Variants in MUC13 observed in about 807,000 individuals in gnomAD.
The protein encoded by MUC13 is mucin-13.
A neutral mutation model predicts 48.3 loss-of-function variants in MUC13; 32 were observed. The ratio of observed to expected loss-of-function variants is 0.66; its 90% CI spans 0.50 to 0.89. The LOEUF is 0.89. Ranked by LOEUF, MUC13 falls within the 40% of genes least tolerant of loss-of-function variation. The probability of loss-of-function intolerance (pLI) is 0.00; values close to 1 mark genes in which losing one functional copy is unlikely to be tolerated. For missense variants in MUC13, 571 were observed against 622.8 expected, an observed-to-expected ratio of 0.92 and a Z score of 0.88; for synonymous variants, 199 against 224.9, an observed-to-expected ratio of 0.88 and a Z score of 1.03.
intron 4 of MUC13, among the ~76,000 whole-genome samples, chr3:124,921,264 C>T (rs1453446622): frequency 6.6e-6 from 1 of 152,066 alleles, no homozygotes; most frequent in Admixed American, 6.6e-5. Context: ...ATTCTCCTGC[C>T]TCAGCCTCCT....
intron 4 of MUC13, among the ~76,000 whole-genome samples, 168 bp from the exon 5 acceptor site, chr3:124,920,457 C>T (rs1472923037): frequency 6.6e-6 from 1 of 152,134 alleles, no homozygotes; most frequent in Non-Finnish European, 1.5e-5. Context: ...TGGGACTGCC[C>T]CCACAAAGGC....
At chr3:124,924,425 T>C (rs957158698) in intron 2 of MUC13, among the ~76,000 whole-genome samples, 2 of 152,220 alleles carry the variant, frequency 1.3e-5, no homozygotes, top group Non-Finnish European at 2.9e-5. Flanking sequence ...TCTTCACTTC[T>C]GTCAAGTGGA....
At chr3:124,922,329 T>C in intron 3 of MUC13, 26 bp from the exon 4 acceptor site, 1 of 1,604,650 alleles carries the variant, frequency 6.2e-7, no homozygotes, top group Non-Finnish European at 8.5e-7. Context: ...AATCTTTCTG[T>C]ACTATTTGAT....
chr3:124,923,945 G>A (rs977171998), intron 2 of MUC13, among the ~76,000 whole-genome samples: 2 of 152,178 alleles, frequency 1.3e-5, no homozygotes, highest in Middle Eastern at 3.2e-3. Flanking sequence ...ACTCCAAGGA[G>A]TCAGGAATCT....
chr3:124,907,669 GA>G (rs1935340165), intron 11 of MUC13, among the ~76,000 whole-genome samples: 1 of 151,990 alleles, frequency 6.6e-6, no homozygotes, highest in Non-Finnish European at 1.5e-5. Flanking sequence ...GAGAGAGAGA[GA>G]GAGAGAGAGA....
Position 124,913,172 on chromosome 3 carries a change from C to T in MUC13, c.1153G>A (p.Gly385Arg), listed in dbSNP as rs1935453164. 6.2e-7 allele frequency: 1 copy of T among 1,614,004 alleles called. No homozygotes were observed. Among genetic ancestry groups the T allele is most frequent in the Non-Finnish European group, 8.5e-7 (1 of 1,180,030 alleles). The change falls in exon 8 of 12, where the codon GGG becomes AGG. Residue 385 changes from glycine (G) to arginine (R), a missense_variant. Transcript: ENST00000616727. ...HKQCLIKKSG[G>R]APECACVPGY... Reference sequence around the variant, plus strand: ...GGCACGCACGCACACTCAGGGGCCCCACCACTCTTCTTTATTAAGCATTGC... The same window carrying T: ...GGCACGCACGCACACTCAGGGGCCCTACCACTCTTCTTTATTAAGCATTGC...
At chr3:124,933,448 A>G (rs1269173020) in intron 1 of MUC13, among the ~76,000 whole-genome samples, 3 of 152,156 alleles carry the variant, frequency 2.0e-5, no homozygotes, top group East Asian at 1.9e-4. Context: ...GTCATTATCC[A>G]CTACAGGAAA....
rs370999361 is a variant in MUC13 at position 124,913,701 on chromosome 3, T to G, written c.965-20A>C. Reference sequence around the variant, plus strand: ...GGGTCACTGAGAAGCACAAATAGTTTAAAAATATATTCAGCATGACAATAT... The same window carrying G: ...GGGTCACTGAGAAGCACAAATAGTTGAAAAATATATTCAGCATGACAATAT... On this transcript the variant is annotated intron_variant, in intron 6 of 11. Transcript: ENST00000616727. The G allele has an allele frequency of 9.6e-5, 155 of 1,613,746 alleles. No homozygotes were observed. Among genetic ancestry groups the G allele is most frequent in the Non-Finnish European group, 1.2e-4 (141 of 1,179,774 alleles).
chr3:124,920,432 T>C (rs936206659), intron 4 of MUC13, 143 bp from the exon 5 acceptor site: 4 of 654,550 alleles, frequency 6.1e-6, no homozygotes, highest in Non-Finnish European at 1.1e-5. Context: ...CTGGGAGACT[T>C]CTTAGGGTCT....
intron 9 of MUC13, among the ~76,000 whole-genome samples, 177 bp from the exon 10 acceptor site, chr3:124,910,676 C>T (rs926178340): frequency 1.1e-4 from 16 of 152,168 alleles, no homozygotes; most frequent in Admixed American, 1.3e-4. Flanking sequence ...CTCCTCACAC[C>T]TCCTAAACTG....
Position 124,923,000 on chromosome 3 carries a change from G to T in MUC13, c.637+527C>A, listed in dbSNP as rs566393991. ...AGTGCTAAAAATATGAGCATTTGGG[G>T]GCCTTTTGGTATATCCCTAACCCCA... On this transcript the variant is annotated intron_variant, in intron 3 of 11. Coordinates refer to ENST00000616727, the MANE Select transcript of MUC13 (RefSeq NM_033049.4). Among the ~76,000 whole-genome samples, 5 of 151,404 alleles carry T rather than the reference G, an allele frequency of 3.3e-5. No individual in the cohort carries two copies. In the East Asian group the frequency reaches 9.7e-4, roughly 29 times the overall value.
At chr3:124,913,789 T>C (rs1156836297) in intron 6 of MUC13, 108 bp from the exon 7 acceptor site, 44 of 1,311,230 alleles carry the variant, frequency 3.4e-5, no homozygotes, top group Non-Finnish European at 4.3e-5. Context: ...TTTTAATAAG[T>C]TTTGGGGCCA....
intron 11 of MUC13, among the ~76,000 whole-genome samples, chr3:124,907,236 G>C (rs1318315970): frequency 6.6e-6 from 1 of 152,016 alleles, no homozygotes; most frequent in Non-Finnish European, 1.5e-5. Context: ...CGAACTCTTG[G>C]GCTCAAGCAA....
chr3:124,926,123 T>C (rs539594072), intron 2 of MUC13, among the ~76,000 whole-genome samples: 97 of 152,326 alleles, frequency 6.4e-4, no homozygotes, highest in African/African-American at 2.2e-3. Flanking sequence ...TGTCTCCTTC[T>C]GGAGACACCA....
chr3:124,919,716 C>A (rs957212906), intron 5 of MUC13, among the ~76,000 whole-genome samples: 47 of 152,068 alleles, frequency 3.1e-4, no homozygotes, highest in African/African-American at 1.1e-3. Context: ...TAAATAGCAC[C>A]CAGCACTTGC....
intron 8 of MUC13, 182 bp from the exon 9 acceptor site, chr3:124,912,323 G>A (rs1359049489): frequency 1.1e-6 from 1 of 871,420 alleles, no homozygotes; most frequent in East Asian, 2.7e-5. Context: ...CACCTTCCAT[G>A]GGGTTCTGGA....
At chr3:124,917,142 C>T (rs1935523456) in intron 5 of MUC13, among the ~76,000 whole-genome samples, 1 of 152,104 alleles carries the variant, frequency 6.6e-6, no homozygotes, top group East Asian at 1.9e-4. Context: ...CTCTCTCTCT[C>T]TCTAATCAGC....
chr3:124,923,748 T>G, intron 2 of MUC13, 99 bp from the exon 3 acceptor site: 16 of 1,195,328 alleles, frequency 1.3e-5, no homozygotes, highest in East Asian at 2.5e-5. Flanking sequence ...CCTGGGCCCT[T>G]TCCATTCCTT....
rs1479329238 is a variant in MUC13, at chr3:124,905,939, T to C, written c.*804A>G. The C allele has an allele frequency of 6.6e-6, 1 of 152,548 alleles. No individual in the cohort carries two copies. The highest frequency in any genetic ancestry group is 1.5e-5 in the Non-Finnish European group (1 of 68,082). The allele number at this position is 152,548 out of a possible 1,614,324, so 9.4% of individuals were successfully genotyped here. On this transcript the variant is annotated 3_prime_UTR_variant, in exon 12 of 12. Transcript: ENST00000616727. ...TCCCAGGTGCCTCCTCTCTAATTGA[T>C]CCTCCCCACCCAGTTTCCTTTGCCT...
Sources: gnomAD v4.1 joint callset for allele counts (sites outside exome capture counted in the v4.1 genomes callset) on GRCh38, gnomAD v4.1.1 for gene constraint, MANE v1.5 for transcripts, NCBI Gene and HGNC (gene_info 2026-07-23, HGNC 2026-07-21) for gene names.